SLC25A41: variants seen among roughly 807,000 people sequenced by gnomAD.
SLC25A41 encodes the protein mitochondrial carrier protein SCaMC-3L.
SLC25A41 carries 35 observed loss-of-function variants against 34.7 expected under a neutral mutation model. The ratio of observed to expected loss-of-function variants is 1.01; its 90% confidence interval spans 0.77 to 1.34. The LOEUF (loss-of-function observed/expected upper bound fraction) is 1.34, where lower values mean the gene tolerates loss of function less well. Among genes scored for constraint, SLC25A41 ranks in the 40% most tolerant of loss-of-function variants. The probability of loss-of-function intolerance (pLI) is 0.00; values close to 1 mark genes in which losing one functional copy is unlikely to be tolerated. For synonymous variants in SLC25A41, 190 were observed against 209.9 expected, an observed-to-expected ratio of 0.91 and a Z score of 0.82; for missense variants, 492 against 489.8, an observed-to-expected ratio of 1.00 and a Z score of -0.04.
intron 4 of SLC25A41, among the ~76,000 whole-genome samples, chr19:6,429,074 A>ATATATGTTACGTATATGTT (rs1491555943): frequency 1.7e-5 from 1 of 57,256 alleles, no homozygotes; most frequent in Non-Finnish European, 2.7e-5. Context: ...ATATATATAT[A>ATATATGTTACGTATATGTT]ATATATATAT....
Position 6,433,689 on chromosome 19 carries a change from C to A in SLC25A41, c.5G>T (p.Gly2Val), listed in dbSNP as rs770314832. Residue 2 changes from glycine to valine, a missense_variant, in exon 1 of 7, where the codon GGC becomes GTC. By Grantham distance (109) the Gly-to-Val change is moderately radical (BLOSUM62 -3). Coordinates refer to ENST00000321510, the MANE Select transcript of SLC25A41 (RefSeq NM_173637.4). M[G>V]AQPGEPQNTC... Reference sequence around the variant, plus strand: ...GTTCTGAGGTTCCCCAGGCTGAGCGCCCATGGAGGAAGTTAGGACACCTGG... The same window carrying A: ...GTTCTGAGGTTCCCCAGGCTGAGCGACCATGGAGGAAGTTAGGACACCTGG... 6.4e-7 allele frequency: 1 copy of A among 1,553,230 alleles called. No homozygotes were observed. Among genetic ancestry groups the A allele is most frequent in the Non-Finnish European group, 8.7e-7 (1 of 1,146,134 alleles).
Position 6,427,521 on chromosome 19 carries a change from AG to A in SLC25A41, c.625-21del. On this transcript the variant is annotated intron_variant, in intron 4 of 6. Transcript: ENST00000321510. This position sits in a 1 kb window ranked among gnomAD's most constrained non-coding sequence, Gnocchi z 4.9. ...CAGCACCTGAGGATGGCGGGGAACA[AG>A]GCAGCTCATTTGATTGAATCCTGTC... 6.7e-7 allele frequency: 1 copy of A among 1,486,144 alleles called. No homozygotes were observed. The highest frequency in any genetic ancestry group is 1.8e-4 in the Middle Eastern group (1 of 5,614). The allele number at this position is 1,486,144 out of a possible 1,614,324, so 92.1% of individuals were successfully genotyped here. A position where few individuals can be genotyped will look rare whatever the true frequency, so the allele number is the denominator to read the frequency against.
chr19:6,427,009 G>T lies in SLC25A41; in HGVS notation c.940+94C>A. The T allele has an allele frequency of 7.3e-7, 1 of 1,378,694 alleles. No homozygotes were observed. The highest frequency in any genetic ancestry group is 9.9e-7 in the Non-Finnish European group (1 of 1,015,058). 85.4% of individuals were successfully genotyped at this position (1,378,694 alleles called of 1,614,324 possible). The stretch of plus-strand genomic sequence containing the variant: ...AAGTGGGCTGGGATCAGACACGGAG[G>T]GTGCCGGACTCAGTTTTGGGGTATG... On this transcript the variant is annotated intron_variant, in intron 6 of 6. Transcript: ENST00000321510. The surrounding 1 kb of genome is among the most constrained non-coding windows in gnomAD (Gnocchi z 4.9).
chr19:6,432,259 C>G (rs1471083809), intron 1 of SLC25A41, 55 bp from the exon 2 acceptor site: 3 of 1,579,430 alleles, frequency 1.9e-6, no homozygotes, highest in Non-Finnish European at 8.6e-7. Flanking sequence ...GCACCTTCCC[C>G]AGACACACAT....
In SLC25A41 at chr19:6,429,119, T is replaced by TGATA. The variant is rs1232047643; in HGVS notation, c.624+604_624+605insTATC. On this transcript the variant is annotated intron_variant, in intron 4 of 6. Coordinates refer to ENST00000321510, the MANE Select transcript of SLC25A41 (RefSeq NM_173637.4). ...GTTACATATATATATAATATATATA[T>TGATA]TATATATATGTTATATATATATATA... Among the ~76,000 whole-genome samples, 226 of 54,990 alleles carry TGATA rather than the reference T, an allele frequency of 4.1e-3. 50 individuals carry two copies. Among genetic ancestry groups the TGATA allele is most frequent in the South Asian group, 6.6e-3 (18 of 2,728 alleles). 36.1% of individuals were successfully genotyped at this position (54,990 alleles called of 152,430 possible).
intron 1 of SLC25A41, 118 bp from the exon 2 acceptor site, chr19:6,432,322 T>A: frequency 1.7e-6 from 2 of 1,180,254 alleles, no homozygotes; most frequent in South Asian, 1.6e-5. Flanking sequence ...GTCTGCATTT[T>A]TTTTTTTCGA....
At chr19:6,429,623 GA>G in intron 4 of SLC25A41, 100 bp downstream of exon 4, 1 of 787,128 alleles carries the variant, frequency 1.3e-6, no homozygotes, top group Non-Finnish European at 2.0e-6. Context: ...AAAAGGAGGA[GA>G]AAGGAGGAGG....
chr19:6,432,955 A>G (rs1280448977), intron 1 of SLC25A41, among the ~76,000 whole-genome samples: 1 of 151,076 alleles, frequency 6.6e-6, no homozygotes, highest in African/African-American at 2.4e-5. Context: ...GGTGTGAGCC[A>G]CCACACCCAG....
chr19:6,434,588 A>T (rs2092299963), upstream of SLC25A41, among the ~76,000 whole-genome samples: 1 of 152,128 alleles, frequency 6.6e-6, no homozygotes, highest in South Asian at 2.1e-4. Context: ...GTTACATGGC[A>T]AAGGGGAATT....
intron 4 of SLC25A41, among the ~76,000 whole-genome samples, chr19:6,429,049 T>TATATATATATATATAATA: frequency 2.7e-5 from 1 of 37,360 alleles, no homozygotes. Context: ...AATATATATA[T>TATATATATATATATAATA]TATATATATG....
chr19:6,429,166 TATATATATAATA>T (rs2092267695), intron 4 of SLC25A41, among the ~76,000 whole-genome samples: 3 of 34,530 alleles, frequency 8.7e-5, no homozygotes, highest in African/African-American at 4.5e-4. Flanking sequence ...ATATATATAA[TATATATATAATA>T]TATATATGTT....
rs766704211 is a variant in SLC25A41, at chr19:6,426,352, C to G, written c.*37G>C. ...GCCAGGGGTCATCAGGTCCTCCTGTCCCATTTCTGCCTAGGCTGTGTCGTC... is the reference window on the plus strand; with the variant it reads ...GCCAGGGGTCATCAGGTCCTCCTGTGCCATTTCTGCCTAGGCTGTGTCGTC... On this transcript the variant is annotated 3_prime_UTR_variant, in exon 7 of 7. Coordinates refer to ENST00000321510, the MANE Select transcript of SLC25A41 (RefSeq NM_173637.4). The G allele has an allele frequency of 6.3e-7, 1 of 1,585,618 alleles. No individual in the cohort carries two copies. The highest frequency in any genetic ancestry group is 1.3e-5 in the African/African-American group (1 of 74,412).
Position 6,432,204 on chromosome 19 carries a change from C to A in SLC25A41, c.208G>T (p.Val70Leu), listed in dbSNP as rs748179988. 4.3e-6 allele frequency: 7 copies of A among 1,612,714 alleles called. No homozygotes were observed. The South Asian group carries it at 6.6e-5, about 15-fold the overall frequency. ...ATCAGCTGCTCTCCTGTGTCCAGTA[C>A]CTGCAGGGCAGACCCGGCCCTCCCT... ...NNLEHLPSQQVLDTGEQLMVP... is the reference protein window; with the variant it reads ...NNLEHLPSQQLLDTGEQLMVP... The change falls in exon 2 of 7, where the codon GTA becomes TTA. Residue 70 changes from valine to leucine, a missense_variant and splice_region_variant. Val to Leu is a conservative substitution (Grantham distance 32, BLOSUM62 1). Coordinates refer to ENST00000321510, the MANE Select transcript of SLC25A41 (RefSeq NM_173637.4).
At chr19:6,431,139 A>AATTAATTAATT (rs2092283958) in intron 2 of SLC25A41, among the ~76,000 whole-genome samples, 1 of 150,956 alleles carries the variant, frequency 6.6e-6, no homozygotes, top group Admixed American at 6.6e-5. Flanking sequence ...TTAATTAATT[A>AATTAATTAATT]ATTAATTAAT....
chr19:6,432,314 C>G, intron 1 of SLC25A41, 110 bp from the exon 2 acceptor site: 2 of 1,253,166 alleles, frequency 1.6e-6, no homozygotes, highest in South Asian at 3.1e-5. Flanking sequence ...TCCCCCAAGT[C>G]TGCATTTTTT....
At chr19:6,433,770 T>C, upstream of SLC25A41, 2 of 1,245,818 alleles carry the variant, frequency 1.6e-6, no homozygotes, top group Non-Finnish European at 1.1e-6. Context: ...GAGTGTCTAG[T>C]GGGAGGATTG....
chr19:6,431,989 C>T, intron 2 of SLC25A41, 60 bp downstream of exon 2: 1 of 1,562,506 alleles, frequency 6.4e-7, no homozygotes, highest in South Asian at 1.2e-5. Flanking sequence ...CTGTCCTCAC[C>T]CCACGTTCTC....
In SLC25A41 at chr19:6,427,655, G is replaced by A. The variant is rs2092250136; in HGVS notation, c.625-154C>T. On this transcript the variant is annotated intron_variant, in intron 4 of 6. Transcript: ENST00000321510. The surrounding 1 kb of genome is among the most constrained non-coding windows in gnomAD (Gnocchi z 4.9). Reference sequence around the variant, plus strand: ...CCGGATCTGTCAGATTCCATGGAATGCTCTCTGAATTTTGAGTTCTGAAGC... The same window carrying A: ...CCGGATCTGTCAGATTCCATGGAATACTCTCTGAATTTTGAGTTCTGAAGC... 3.3e-5 allele frequency among the ~76,000 whole-genome samples: 5 copies of A among 152,226 alleles called. No individual in the cohort carries two copies. The highest frequency in any genetic ancestry group is 2.6e-4 in the Admixed American group (4 of 15,288).
At chr19:6,432,484 T>A (rs1260921445) in intron 1 of SLC25A41, among the ~76,000 whole-genome samples, 1 of 147,698 alleles carries the variant, frequency 6.8e-6, no homozygotes, top group East Asian at 2.0e-4. Flanking sequence ...TTTTTTTTTT[T>A]TTTTTTTTTT....
Sources: allele counts gnomAD v4.1 joint callset (sites outside exome capture counted in the v4.1 genomes callset), GRCh38; gene constraint gnomAD v4.1.1; non-coding constraint Gnocchi (gnomAD v3.1); transcripts MANE v1.5; gene names NCBI Gene and HGNC (gene_info 2026-07-23, HGNC 2026-07-21).